Variants in KLHL3 observed in about 807,000 individuals in gnomAD.
The protein encoded by KLHL3 is kelch-like protein 3.
In KLHL3, 19 loss-of-function variants were observed where a neutral mutation model predicts 70.5. That is an observed-to-expected ratio of 0.27 (90% CI 0.19 to 0.40). The LOEUF (loss-of-function observed/expected upper bound fraction) is 0.40. Ranked by LOEUF, KLHL3 falls within the 10% of genes least tolerant of loss-of-function variation. The pLI is 1.00. For synonymous variants in KLHL3, 258 were observed against 290.3 expected, an observed-to-expected ratio of 0.89 and a Z score of 1.13; for missense variants, 512 against 771.1, an observed-to-expected ratio of 0.66 and a Z score of 3.98.
At chr5:137,685,473 A>T (rs982176577) in intron 5 of KLHL3, among the ~76,000 whole-genome samples, 6 of 152,238 alleles carry the variant, frequency 3.9e-5, no homozygotes, top group Non-Finnish European at 7.3e-5. Context: ...CATAATATAT[A>T]AATTCTGTAA....
intron 2 of KLHL3, among the ~76,000 whole-genome samples, chr5:137,719,102 C>G (rs1244084532): frequency 6.6e-6 from 1 of 152,232 alleles, no homozygotes; most frequent in Non-Finnish European, 1.5e-5. Context: ...AGCATCAACC[C>G]TCTTCTCCAA....
At position 137,639,110 on chromosome 5, in the gene KLHL3, C is replaced by T; in HGVS notation, c.1062G>A (p.Gly354=). ...TCCGCACCCGCAGTGAGCCATTAAA[C>T]CCTCCCACGGCATACACGTGGCCAG... is the stretch of plus-strand genomic sequence containing the variant. ...FMAGHVYAVG[G]FNGSLRVRTV... Residue 354 remains glycine, a synonymous_variant, in exon 10 of 15, where the codon GGG becomes GGA. Coordinates refer to ENST00000309755, the MANE Select transcript of KLHL3 (RefSeq NM_017415.3). This position sits in a 1 kb window ranked among gnomAD's most constrained non-coding sequence, Gnocchi z 5.0. The T allele has an allele frequency of 6.2e-7, 1 of 1,614,050 alleles. No individual in the cohort carries two copies. Among genetic ancestry groups the T allele is most frequent in the Non-Finnish European group, 8.5e-7 (1 of 1,179,972 alleles).
chr5:137,693,243 T>C (rs950747054), intron 4 of KLHL3, among the ~76,000 whole-genome samples: 1 of 152,092 alleles, frequency 6.6e-6, no homozygotes, highest in South Asian at 2.1e-4. Context: ...TATTCTCCCA[T>C]CAAACAGATA....
At chr5:137,637,520 C>T (rs770234155) in intron 10 of KLHL3, 125 bp from the exon 11 acceptor site, 2 of 737,318 alleles carry the variant, frequency 2.7e-6, no homozygotes, top group Non-Finnish European at 2.4e-6. Flanking sequence ...GGCTCAGTAC[C>T]ACCTCTGCAT....
intron 14 of KLHL3, among the ~76,000 whole-genome samples, 167 bp from the exon 15 acceptor site, chr5:137,622,293 C>G (rs1159895978): frequency 6.6e-6 from 1 of 152,200 alleles, no homozygotes; most frequent in Non-Finnish European, 1.5e-5. Context: ...GGCTGTTCCC[C>G]ACTCCAACAG....
chr5:137,724,533 T>C (rs746695651), intron 1 of KLHL3, among the ~76,000 whole-genome samples: 1 of 152,184 alleles, frequency 6.6e-6, no homozygotes, highest in African/African-American at 2.4e-5. Context: ...TTCAACAAAA[T>C]ATAATTCACA....
chr5:137,701,953 C>A (rs1216494210), intron 3 of KLHL3, among the ~76,000 whole-genome samples: 1 of 152,234 alleles, frequency 6.6e-6, no homozygotes, highest in Non-Finnish European at 1.5e-5. Flanking sequence ...TGCTAACATG[C>A]ATGTCCTGTT....
At chr5:137,655,733 C>T (rs1430074375) in intron 8 of KLHL3, among the ~76,000 whole-genome samples, 1 of 152,086 alleles carries the variant, frequency 6.6e-6, no homozygotes, top group African/African-American at 2.4e-5. Flanking sequence ...CCTACAATCC[C>T]AGCATTTTGG....
At chr5:137,690,559 A>C (rs1216797899) in intron 5 of KLHL3, among the ~76,000 whole-genome samples, 1 of 152,132 alleles carries the variant, frequency 6.6e-6, no homozygotes, top group Non-Finnish European at 1.5e-5. Flanking sequence ...CTCAGAATTG[A>C]GGCTACTGGG....
chr5:137,625,546 G>A (rs1750437525), intron 14 of KLHL3, among the ~76,000 whole-genome samples: 1 of 152,166 alleles, frequency 6.6e-6, no homozygotes, highest in Admixed American at 6.5e-5. Flanking sequence ...CAGGGGCAGG[G>A]GTTAATAAGT....
intron 5 of KLHL3, among the ~76,000 whole-genome samples, chr5:137,688,505 G>A (rs1340748257): frequency 6.6e-6 from 1 of 152,210 alleles, no homozygotes; most frequent in Non-Finnish European, 1.5e-5. Context: ...ACACTGTCTG[G>A]TTGTTGGGAT....
intron 2 of KLHL3, among the ~76,000 whole-genome samples, chr5:137,712,235 G>C (rs1752807882): frequency 6.7e-6 from 1 of 150,196 alleles, no homozygotes; most frequent in African/African-American, 2.5e-5. Flanking sequence ...TGGCAGAGAA[G>C]AGTCAGAAAT....
At chr5:137,646,672 C>T (rs1267029437) in intron 8 of KLHL3, among the ~76,000 whole-genome samples, 2 of 152,164 alleles carry the variant, frequency 1.3e-5, no homozygotes, top group African/African-American at 4.8e-5. Flanking sequence ...ATTCCAGAAA[C>T]ACCCAGGCCC....
chr5:137,723,846 A>G (rs1309066508), intron 1 of KLHL3, among the ~76,000 whole-genome samples: 1 of 152,220 alleles, frequency 6.6e-6, no homozygotes, highest in Non-Finnish European at 1.5e-5. Flanking sequence ...TATGTTTGTT[A>G]CAGGATTTTT....
Position 137,628,388 on chromosome 5 carries a change from C to T in KLHL3, c.1500G>A (p.Gly500=), listed in dbSNP as rs1367857081. Reference sequence around the variant, plus strand: ...CCTCAACGCTCTTCCTCACCAAAGGCCCATCATGCCCACCTGTGGCGTACA... The same window carrying T: ...CCTCAACGCTCTTCCTCACCAAAGGTCCATCATGCCCACCTGTGGCGTACA... ...GQLYATGGHD[G]PLVRKSVEVY... Residue 500 remains glycine, a synonymous_variant, in exon 13 of 15, where the codon GGG becomes GGA. Coordinates refer to ENST00000309755, the MANE Select transcript of KLHL3 (RefSeq NM_017415.3). The T allele has an allele frequency of 2.5e-6, 4 of 1,614,082 alleles. No individual in the cohort carries two copies. In the Admixed American group the frequency reaches 5.0e-5, roughly 20 times the overall value.
At chr5:137,638,912 G>A (rs774403215) in intron 10 of KLHL3, 41 bp downstream of exon 10, 38 of 1,582,174 alleles carry the variant, frequency 2.4e-5, no homozygotes, top group Non-Finnish European at 3.2e-5. Flanking sequence ...TGGAGGATGT[G>A]TCCCAGGCTA....
intron 5 of KLHL3, among the ~76,000 whole-genome samples, chr5:137,681,730 C>T (rs1008049196): frequency 1.3e-5 from 2 of 152,036 alleles, no homozygotes; most frequent in African/African-American, 2.4e-5. Flanking sequence ...CTTTTCTTAT[C>T]GTTTCGCTTC....
intron 5 of KLHL3, among the ~76,000 whole-genome samples, chr5:137,689,240 AAATT>A (rs762730180): frequency 6.6e-6 from 1 of 152,246 alleles, no homozygotes; most frequent in Non-Finnish European, 1.5e-5. Flanking sequence ...GTGGGAATGT[AAATT>A]AATTCAGCTA....
intron 11 of KLHL3, among the ~76,000 whole-genome samples, chr5:137,634,899 T>C (rs1005329538): frequency 6.6e-6 from 1 of 152,226 alleles, no homozygotes; most frequent in Non-Finnish European, 1.5e-5. Flanking sequence ...AGGAAAAATT[T>C]GGCATTTGAG....
Sources: gnomAD v4.1 joint callset for allele counts (sites outside exome capture counted in the v4.1 genomes callset) on GRCh38, gnomAD v4.1.1 for gene constraint, Gnocchi (gnomAD v3.1) non-coding constraint, MANE v1.5 for transcripts, NCBI Gene and HGNC (gene_info 2026-07-23, HGNC 2026-07-21) for gene names.